The following NCALD variants were observed in gnomAD, a reference collection of about 807,000 sequenced individuals.
The protein encoded by NCALD is neurocalcin delta, also known as neurocalcin-delta.
A neutral mutation model predicts 18.6 loss-of-function variants in NCALD; 10 were observed. The observed-to-expected ratio is 0.54, with a 90% CI of 0.33 to 0.91. NCALD has a LOEUF of 0.91. NCALD is among the 40% of genes least tolerant of loss of function. NCALD has a pLI of 0.03. For missense variants in NCALD, 184 were observed against 247.6 expected (o/e 0.74, Z 1.72); for synonymous variants, 88 against 87.4 (o/e 1.01, Z -0.04).
At chr8:102,003,828 AC>A (rs1269982228) in intron 2 of NCALD, among the ~76,000 whole-genome samples, 5 of 152,072 alleles carry the variant, frequency 3.3e-5, no homozygotes, top group African/African-American at 4.8e-5. Context: ...AAATTCAACA[AC>A]CCTTCATGCT....
chr8:101,825,920 C>T (rs981654803), intron 4 of NCALD, among the ~76,000 whole-genome samples: 1 of 152,158 alleles, frequency 6.6e-6, no homozygotes, highest in Admixed American at 6.5e-5. Flanking sequence ...GGCTGGATTT[C>T]GCCCACAGGC....
chr8:101,854,881 T>C (rs1191990765), intron 4 of NCALD, among the ~76,000 whole-genome samples: 1 of 152,158 alleles, frequency 6.6e-6, no homozygotes, highest in African/African-American at 2.4e-5. Context: ...TACCTACAAG[T>C]AGCATGCACT....
At chr8:102,049,714 C>A (rs541136376) in intron 1 of NCALD, among the ~76,000 whole-genome samples, 1 of 152,224 alleles carries the variant, frequency 6.6e-6, no homozygotes, top group East Asian at 1.9e-4. Context: ...GTTGGTGTCC[C>A]GTGTACTGAA....
intron 4 of NCALD, among the ~76,000 whole-genome samples, chr8:101,821,912 A>AT: frequency 7.6e-6 from 1 of 131,794 alleles, no homozygotes; most frequent in Non-Finnish European, 1.7e-5. Context: ...AAAAAATGTA[A>AT]TTTTTTTCCA....
intron 1 of NCALD, among the ~76,000 whole-genome samples, chr8:101,740,186 C>T (rs1312899419): frequency 6.6e-6 from 1 of 152,170 alleles, no homozygotes; most frequent in South Asian, 2.1e-4. Context: ...GAATCATGTA[C>T]AGGGTCTCTT....
intron 2 of NCALD, among the ~76,000 whole-genome samples, chr8:102,017,019 G>A (rs1317675056): frequency 6.6e-6 from 1 of 152,004 alleles, no homozygotes; most frequent in Non-Finnish European, 1.5e-5. Context: ...AGAAACTATA[G>A]AAAATAAACA....
intron 1 of NCALD, chr8:101,788,894 G>A (rs1185729555): frequency 2.6e-5 from 4 of 152,022 alleles, no homozygotes; most frequent in African/African-American, 9.7e-5. Flanking sequence ...TTTTCCCATA[G>A]GAAAAGACCT....
At chr8:102,095,157 G>A (rs959202710) in intron 1 of NCALD, among the ~76,000 whole-genome samples, 2 of 152,160 alleles carry the variant, frequency 1.3e-5, no homozygotes, top group Admixed American at 6.5e-5. Flanking sequence ...ACATGATATG[G>A]GGGTGGTACT....
intron 2 of NCALD, among the ~76,000 whole-genome samples, chr8:101,939,944 G>C (rs368077493): frequency 2.6e-4 from 40 of 152,156 alleles, no homozygotes; most frequent in Admixed American, 4.6e-4. Context: ...AAAGCCCATG[G>C]GTGCTTTTCT....
chr8:101,870,888 A>ACCC (rs1815978714), intron 4 of NCALD, among the ~76,000 whole-genome samples: 1 of 37,558 alleles, frequency 2.7e-5, no homozygotes, highest in Non-Finnish European at 5.0e-5. Flanking sequence ...ATGCTCTACC[A>ACCC]CCGCCCCCAC....
At chr8:101,848,003 G>C (rs1193067062) in intron 4 of NCALD, among the ~76,000 whole-genome samples, 1 of 152,176 alleles carries the variant, frequency 6.6e-6, no homozygotes, top group Non-Finnish European at 1.5e-5. Flanking sequence ...AGGGAAAAGA[G>C]AAGGAACAAA....
chr8:101,856,639 T>C (rs1232862836), intron 4 of NCALD, among the ~76,000 whole-genome samples: 2 of 152,140 alleles, frequency 1.3e-5, no homozygotes, highest in African/African-American at 4.8e-5. Context: ...ATGGTATACT[T>C]AATGAGCCAA....
intron 1 of NCALD, among the ~76,000 whole-genome samples, chr8:102,046,616 C>T (rs1348596000): frequency 2.0e-5 from 3 of 151,918 alleles, no homozygotes; most frequent in Admixed American, 1.3e-4. Context: ...GTGATCCTCC[C>T]GCCTCAGTCT....
At chr8:101,796,311 T>G (rs1236790919) in intron 4 of NCALD, among the ~76,000 whole-genome samples, 2 of 152,134 alleles carry the variant, frequency 1.3e-5, no homozygotes, top group Non-Finnish European at 2.9e-5. Flanking sequence ...CCCAAATCAC[T>G]AAGCATGCCA....
At chr8:101,709,757 C>A (rs910373306) in intron 2 of NCALD, among the ~76,000 whole-genome samples, 8 of 152,156 alleles carry the variant, frequency 5.3e-5, no homozygotes, top group Non-Finnish European at 8.8e-5. Flanking sequence ...TCCAGCAGAG[C>A]TGAGGGACAG....
chr8:101,992,890 T>G (rs528841415), intron 2 of NCALD, among the ~76,000 whole-genome samples: 1 of 151,904 alleles, frequency 6.6e-6, no homozygotes, highest in South Asian at 2.1e-4. Flanking sequence ...AGGATTTTTT[T>G]TTACTTAATC....
At chr8:102,061,452 G>T (rs527415519) in intron 1 of NCALD, among the ~76,000 whole-genome samples, 4 of 151,796 alleles carry the variant, frequency 2.6e-5, no homozygotes, top group African/African-American at 7.2e-5. Context: ...TTTTCAAACC[G>T]CCTGCTGTTT....
At chr8:101,886,999 G>C (rs776269526) in intron 4 of NCALD, 1 of 152,088 alleles carries the variant, frequency 6.6e-6, no homozygotes, top group Non-Finnish European at 1.5e-5. Flanking sequence ...AATGGAAATG[G>C]CTACCCCATG....
intron 4 of NCALD, among the ~76,000 whole-genome samples, chr8:101,828,638 G>A (rs1814042207): frequency 6.7e-6 from 1 of 149,034 alleles, no homozygotes; most frequent in Non-Finnish European, 1.5e-5. Flanking sequence ...GTCTCACTCT[G>A]TCACTAAGGC....
Sources: allele counts gnomAD v4.1 joint callset (sites outside exome capture counted in the v4.1 genomes callset), GRCh38; gene constraint gnomAD v4.1.1; transcripts MANE v1.5; gene names NCBI Gene and HGNC (gene_info 2026-07-23, HGNC 2026-07-21).